The following STAU2 variants were observed in gnomAD, a reference collection of about 807,000 sequenced individuals.
The protein encoded by STAU2 is double-stranded RNA-binding protein Staufen homolog 2.
A neutral mutation model predicts 65.9 loss-of-function variants in STAU2; 20 were observed. The observed-to-expected ratio is 0.30, with a 90% CI of 0.21 to 0.44. The LOEUF is 0.44. Ranked by LOEUF, STAU2 falls within the 20% of genes least tolerant of loss-of-function variation. The pLI is 1.00. For synonymous variants in STAU2, 232 were observed against 233.9 expected (o/e 0.99, Z 0.07); for missense variants, 558 against 683.9 (o/e 0.82, Z 2.05).
chr8:73,570,409 C>A lies in STAU2; in HGVS notation c.1222+12361G>T, dbSNP rs75000479. ...CTCTGCAGGATATTATCCAGGAGAA[C>A]TTCCCCAATCTAGAAAGCCTCCAAG... is the stretch of plus-strand genomic sequence containing the variant. On this transcript the variant is annotated intron_variant, in intron 12 of 14. Transcript: ENST00000524300. 9.3e-3 allele frequency among the ~76,000 whole-genome samples: 1,409 copies of A among 151,578 alleles called. 15 individuals carry two copies. The highest frequency in any genetic ancestry group is 0.032 in the African/African-American group (1,324 of 41,246).
chr8:73,470,227 T>G (rs1041633269), intron 13 of STAU2, among the ~76,000 whole-genome samples: 2 of 152,172 alleles, frequency 1.3e-5, no homozygotes, highest in African/African-American at 4.8e-5. Context: ...TGTCTTCATG[T>G]CTCCTTGGGA....
chr8:73,591,917 A>C (rs1810840491), intron 11 of STAU2, among the ~76,000 whole-genome samples: 2 of 139,410 alleles, frequency 1.4e-5, no homozygotes, highest in East Asian at 4.1e-4. Flanking sequence ...AAAAAAAACA[A>C]GAGAGAGACA....
chr8:73,673,131 T>C lies in STAU2; in HGVS notation c.386A>G (p.Asn129Ser). 1.9e-6 allele frequency: 3 copies of C among 1,592,812 alleles called. No homozygotes were observed. Among genetic ancestry groups the C allele is most frequent in the Non-Finnish European group, 2.6e-6 (3 of 1,169,870 alleles). Residue 129 changes from asparagine (N) to serine (S), a missense_variant, in exon 6 of 15, where the codon AAC becomes AGC. Coordinates refer to ENST00000524300, the MANE Select transcript of STAU2 (RefSeq NM_001164380.2). ...KPFPNYRANY[N>S]FRGMYNQRYH... The stretch of plus-strand genomic sequence containing the variant: ...CCTCTGATTGTACATGCCCCGAAAG[T>C]TGTAATTAGCTCTATAATTTGGGAA...
chr8:73,698,036 C>T (rs992918829), intron 4 of STAU2, among the ~76,000 whole-genome samples: 19 of 151,890 alleles, frequency 1.3e-4, no homozygotes, highest in South Asian at 2.1e-4. Flanking sequence ...GCCAAGATCA[C>T]GCCACTGTAC....
chr8:73,717,941 C>T (rs914049041), intron 3 of STAU2, among the ~76,000 whole-genome samples: 4 of 152,150 alleles, frequency 2.6e-5, no homozygotes, highest in African/African-American at 9.7e-5. Flanking sequence ...ATATAAGTCT[C>T]TTAAATCTAT....
chr8:73,477,855 CAGA>C (rs1329097491), intron 13 of STAU2, among the ~76,000 whole-genome samples: 1 of 152,034 alleles, frequency 6.6e-6, no homozygotes, highest in Non-Finnish European at 1.5e-5. Context: ...GTTTTAGGGA[CAGA>C]AGAAGATTAT....
intron 6 of STAU2, among the ~76,000 whole-genome samples, chr8:73,659,792 A>C (rs1237088053): frequency 6.6e-6 from 1 of 152,200 alleles, no homozygotes; most frequent in African/African-American, 2.4e-5. Flanking sequence ...AAGTTGTTAA[A>C]ATTTTTAAAT....
At chr8:73,546,273 T>A (rs1284867010) in intron 13 of STAU2, among the ~76,000 whole-genome samples, 7 of 151,532 alleles carry the variant, frequency 4.6e-5, no homozygotes, top group African/African-American at 1.7e-4. Context: ...AGCCAAGGAG[T>A]CAGAATTCTT....
At chr8:73,452,396 G>A (rs1459592316) in intron 13 of STAU2, among the ~76,000 whole-genome samples, 1 of 152,214 alleles carries the variant, frequency 6.6e-6, no homozygotes, top group Admixed American at 6.5e-5. Flanking sequence ...TGCTGGAGAA[G>A]CCCTGTCCTC....
In STAU2 at chr8:73,503,001, C is replaced by A. The variant is rs1216111106; in HGVS notation, c.1530+49011G>T. ...CAGTGGGAAAAACTGCTACTGCCTG[C>A]AATCTCCTTTCAAAAGCAAACAATA... On this transcript the variant is annotated intron_variant, in intron 13 of 14. Transcript: ENST00000524300. Among the ~76,000 whole-genome samples, 5 of 152,196 alleles carry A rather than the reference C, an allele frequency of 3.3e-5. No homozygotes were observed. The East Asian group carries it at 9.7e-4, about 29-fold the overall frequency.
At chr8:73,609,412 G>C (rs1174523381) in intron 9 of STAU2, among the ~76,000 whole-genome samples, 2 of 152,072 alleles carry the variant, frequency 1.3e-5, no homozygotes, top group African/African-American at 4.8e-5. Context: ...CCAGCACTTT[G>C]GGAGGCCGAG....
At chr8:73,445,554 A>G (rs1055919816) in intron 13 of STAU2, among the ~76,000 whole-genome samples, 5 of 152,208 alleles carry the variant, frequency 3.3e-5, no homozygotes, top group Admixed American at 1.3e-4. Flanking sequence ...GAAAGACTCT[A>G]TAAGAGAAGG....
At chr8:73,627,154 T>C (rs1307762773) in intron 6 of STAU2, among the ~76,000 whole-genome samples, 6 of 136,362 alleles carry the variant, frequency 4.4e-5, no homozygotes, top group African/African-American at 1.7e-4. Flanking sequence ...GAGAGGTAAA[T>C]GGCTAGCACT....
At chr8:73,654,523 C>T (rs903628046) in intron 6 of STAU2, among the ~76,000 whole-genome samples, 1 of 150,492 alleles carries the variant, frequency 6.6e-6, no homozygotes, top group Middle Eastern at 3.2e-3. Context: ...TCATGGTGTC[C>T]CAACTACTAG....
chr8:73,633,457 G>A (rs1367774508), intron 6 of STAU2, among the ~76,000 whole-genome samples: 1 of 152,176 alleles, frequency 6.6e-6, no homozygotes, highest in Non-Finnish European at 1.5e-5. Context: ...ATCAGGACTA[G>A]CAGAAGGACA....
chr8:73,506,619 C>G (rs1822082726), intron 13 of STAU2, among the ~76,000 whole-genome samples: 1 of 152,106 alleles, frequency 6.6e-6, no homozygotes, highest in Admixed American at 6.6e-5. Context: ...TGGCTGCTGA[C>G]TGATCAGGGT....
chr8:73,635,282 A>G (rs1814403784), intron 6 of STAU2, among the ~76,000 whole-genome samples: 2 of 152,340 alleles, frequency 1.3e-5, no homozygotes, highest in Admixed American at 1.3e-4. Flanking sequence ...AAAAACAATC[A>G]TCTAAAGGTA....
At chr8:73,611,672 G>GATT (rs954725394) in intron 9 of STAU2, among the ~76,000 whole-genome samples, 4 of 149,550 alleles carry the variant, frequency 2.7e-5, no homozygotes, top group East Asian at 3.9e-4. Context: ...TTATTATTAT[G>GATT]ATTATTATTA....
intron 6 of STAU2, among the ~76,000 whole-genome samples, chr8:73,662,320 CT>C (rs1250126923): frequency 6.6e-6 from 1 of 151,988 alleles, no homozygotes; most frequent in Non-Finnish European, 1.5e-5. Context: ...ATATGTCTTG[CT>C]TTTTCATTTT....
Sources: allele counts gnomAD v4.1 joint callset (sites outside exome capture counted in the v4.1 genomes callset), GRCh38; gene constraint gnomAD v4.1.1; transcripts MANE v1.5; gene names NCBI Gene and HGNC (gene_info 2026-07-23, HGNC 2026-07-21).